CYP3A43: variants seen among roughly 807,000 people sequenced by gnomAD.
The protein encoded by CYP3A43 is cytochrome P450 3A43.
Under a neutral mutation model 58.0 loss-of-function variants are expected in CYP3A43, and 45 were observed. The ratio of observed to expected loss-of-function variants is 0.78; its 90% CI spans 0.61 to 0.99. CYP3A43 has a LOEUF of 0.99. Ranked by LOEUF, CYP3A43 falls within the 50% of genes least tolerant of loss-of-function variation. The pLI is 0.00. For synonymous variants in CYP3A43, 191 were observed against 201.4 expected (o/e 0.95, Z 0.44); for missense variants, 593 against 591.9 (o/e 1.00, Z -0.02).
chr7:99,836,532 T>C lies in CYP3A43; in HGVS notation c.151T>C (p.Leu51=). 1.3e-6 allele frequency: 2 copies of C among 1,598,882 alleles called. No homozygotes were observed. The highest frequency in any genetic ancestry group is 1.7e-6 in the Non-Finnish European group (2 of 1,175,412). The change falls in exon 2 of 13, where the codon TTG becomes CTG. Residue 51 remains leucine (L), a synonymous_variant. Transcript: ENST00000354829. ...PTPLPFLGTI[L]FYLRGLWNFD... ...CCCTCTGCCTTTTCTGGGAACTATTTTGTTCTACCTTAGGGTAAGTGTTAT... is the reference window on the plus strand; with the variant it reads ...CCCTCTGCCTTTTCTGGGAACTATTCTGTTCTACCTTAGGGTAAGTGTTAT...
chr7:99,828,942 G>T (rs1297662837), intron 1 of CYP3A43, among the ~76,000 whole-genome samples: 3 of 152,210 alleles, frequency 2.0e-5, no homozygotes, highest in Admixed American at 6.5e-5. Context: ...TTGGAGCACT[G>T]CTACCTGAGA....
At position 99,849,665 on chromosome 7, in the gene CYP3A43, AT is replaced by A. The variant is rs779975576; in HGVS notation, c.647del (p.Leu216TrpfsTer7). 1 of 1,609,680 alleles carries A rather than the reference AT, an allele frequency of 6.2e-7. No homozygotes were observed. Among genetic ancestry groups the A allele is most frequent in the South Asian group, 1.1e-5 (1 of 89,848 alleles). The stretch of plus-strand genomic sequence containing the variant: ...AATATGAAGAAGCTTTTAAAATTGG[AT>A]TTTTTGGATCCCTTTTTACTCTTAA... ...LKNMKKLLKL[D>X]FLDPFLLLIS... On this transcript the variant is annotated frameshift_variant, in exon 7 of 13. Coordinates refer to ENST00000354829, the MANE Select transcript of CYP3A43 (RefSeq NM_057095.3). LOFTEE classifies it high-confidence loss of function.
At chr7:99,839,537 A>G (rs1817246441) in intron 3 of CYP3A43, 1 of 441,808 alleles carries the variant, frequency 2.3e-6, no homozygotes, top group Non-Finnish European at 4.4e-6. Context: ...CTTCATACAT[A>G]AGCCACATTC....
chr7:99,837,286 T>C (rs1354553836), intron 2 of CYP3A43, among the ~76,000 whole-genome samples: 1 of 142,496 alleles, frequency 7.0e-6, no homozygotes, highest in East Asian at 2.0e-4. Context: ...GCCACTGCAC[T>C]CTGGCTTGGG....
intron 4 of CYP3A43, 81 bp downstream of exon 4, chr7:99,844,323 G>A (rs990744579): frequency 7.4e-7 from 1 of 1,346,896 alleles, no homozygotes; most frequent in African/African-American, 1.5e-5. Flanking sequence ...CCCAGAAAAT[G>A]GACAGGAAAG....
intron 1 of CYP3A43, among the ~76,000 whole-genome samples, chr7:99,836,233 T>C (rs371684358): frequency 1.3e-5 from 2 of 152,340 alleles, no homozygotes; most frequent in East Asian, 3.9e-4. Context: ...CCAGTGTACC[T>C]AAATAATTAA....
At position 99,861,652 on chromosome 7, in the gene CYP3A43, C is replaced by A. The variant is rs1319814062; in HGVS notation, c.1066C>A (p.Leu356Ile). The change falls in exon 11 of 13, where the codon CTT becomes ATT. Residue 356 changes from leucine (L) to isoleucine (I), a missense_variant. Leu to Ile is a conservative substitution (Grantham distance 5). Coordinates refer to ENST00000354829, the MANE Select transcript of CYP3A43 (RefSeq NM_057095.3). ...CGATGCCCTGGTACAGATGGAGTACCTTGACATGGTGGTGAATGAAACGCT... is the reference window on the plus strand; with the variant it reads ...CGATGCCCTGGTACAGATGGAGTACATTGACATGGTGGTGAATGAAACGCT... ...TYDALVQMEY[L>I]DMVVNETLRL... is the part of the protein sequence containing the mutation. 1.2e-6 allele frequency: 2 copies of A among 1,614,012 alleles called. No individual in the cohort carries two copies. The highest frequency in any genetic ancestry group is 2.7e-5 in the African/African-American group (2 of 74,902).
chr7:99,833,457 T>C (rs1289536253), intron 1 of CYP3A43, among the ~76,000 whole-genome samples: 3 of 152,250 alleles, frequency 2.0e-5, no homozygotes, highest in African/African-American at 7.2e-5. Flanking sequence ...TTTATCTGTC[T>C]AGTGACCTTG....
chr7:99,833,849 CA>C (rs1218936597), intron 1 of CYP3A43, among the ~76,000 whole-genome samples: 1 of 152,124 alleles, frequency 6.6e-6, no homozygotes, highest in African/African-American at 2.4e-5. Context: ...TCCTAATAAA[CA>C]GGGGTAAAAG....
intron 12 of CYP3A43, among the ~76,000 whole-genome samples, chr7:99,864,677 C>T (rs1818379516): frequency 6.7e-6 from 1 of 148,778 alleles, no homozygotes; most frequent in Non-Finnish European, 1.5e-5. Context: ...CCAATAGTGT[C>T]TTGCAGAGGA....
At chr7:99,861,018 C>T (rs986871467) in intron 10 of CYP3A43, among the ~76,000 whole-genome samples, 2 of 151,918 alleles carry the variant, frequency 1.3e-5, no homozygotes, top group Non-Finnish European at 2.9e-5. Context: ...GGATTACAGG[C>T]GTGCGCTACT....
intron 9 of CYP3A43, among the ~76,000 whole-genome samples, chr7:99,858,660 GTAT>G (rs150747464): frequency 0.16 from 22,850 of 141,802 alleles, 2,192 homozygotes; most frequent in East Asian, 0.43. Context: ...TCTTCCTGCT[GTAT>G]TATTATTATT....
intron 8 of CYP3A43, 94 bp from the exon 9 acceptor site, chr7:99,856,739 T>C: frequency 7.8e-7 from 1 of 1,277,082 alleles, no homozygotes. Flanking sequence ...AAAGAGAGCA[T>C]ATTCTCAGGA....
At chr7:99,849,887 T>C (rs1201831417) in intron 7 of CYP3A43, 193 bp downstream of exon 7, 4 of 680,538 alleles carry the variant, frequency 5.9e-6, no homozygotes, top group Non-Finnish European at 9.9e-6. Context: ...TGTAAACTTC[T>C]GAACATTTTT....
chr7:99,854,109 T>G (rs534184382), intron 7 of CYP3A43, among the ~76,000 whole-genome samples: 3 of 152,142 alleles, frequency 2.0e-5, no homozygotes, highest in Non-Finnish European at 2.9e-5. Context: ...TCTTATTCAT[T>G]CTTTCTAACT....
At chr7:99,828,833 T>A (rs1402642003) in intron 1 of CYP3A43, among the ~76,000 whole-genome samples, 2 of 152,160 alleles carry the variant, frequency 1.3e-5, no homozygotes, top group Non-Finnish European at 2.9e-5. Flanking sequence ...GGGAAGATCT[T>A]CCAAAAAGAA....
At chr7:99,851,495 C>T (rs1367238193) in intron 7 of CYP3A43, among the ~76,000 whole-genome samples, 1 of 152,128 alleles carries the variant, frequency 6.6e-6, no homozygotes. Context: ...CACCTTACTA[C>T]ATGTGAACTG....
chr7:99,849,951 C>A, intron 7 of CYP3A43: 3 of 485,120 alleles, frequency 6.2e-6, no homozygotes, highest in Non-Finnish European at 7.4e-6. Flanking sequence ...CAATCTTCCT[C>A]ACCATTTTTT....
intron 9 of CYP3A43, among the ~76,000 whole-genome samples, chr7:99,859,017 T>C (rs1319333863): frequency 6.6e-6 from 1 of 151,860 alleles, no homozygotes; most frequent in Middle Eastern, 3.2e-3. Context: ...AAACCACTCA[T>C]TGGACTACAG....
Sources: gnomAD v4.1 joint callset for allele counts (sites outside exome capture counted in the v4.1 genomes callset) on GRCh38, gnomAD v4.1.1 for gene constraint, MANE v1.5 for transcripts, NCBI Gene and HGNC (gene_info 2026-07-23, HGNC 2026-07-21) for gene names.